JAKMIP2: variants seen among roughly 807,000 people sequenced by gnomAD.
JAKMIP2 encodes the protein janus kinase and microtubule interacting protein 2.
In JAKMIP2, 25 loss-of-function variants were observed where a neutral mutation model predicts 115.0. That is an observed-to-expected ratio of 0.22 (90% CI 0.16 to 0.30). The LOEUF is 0.30. Among genes scored for constraint, JAKMIP2 ranks in the 10% least tolerant of loss-of-function variants. The pLI, the probability that JAKMIP2 is intolerant of heterozygous loss-of-function variation, is 1.00. For missense variants in JAKMIP2, 642 were observed against 957.6 expected (o/e 0.67, Z 4.35); for synonymous variants, 334 against 343.6 (o/e 0.97, Z 0.31).
intron 1 of JAKMIP2, among the ~76,000 whole-genome samples, chr5:147,782,082 C>T (rs1464906596): frequency 6.6e-6 from 1 of 152,116 alleles, no homozygotes; most frequent in East Asian, 1.9e-4. Context: ...GAAGAAGGCC[C>T]AACCCTGTAT....
Position 147,714,206 on chromosome 5 carries a change from G to A in JAKMIP2, c.-148-42252C>T, listed in dbSNP as rs138947723. ...GCCATTACAAAGGTTCTGTAAAACA[G>A]CCATGCCTACTTCAGGGGATAAAAG... On this transcript the variant is annotated intron_variant, in intron 1 of 21. Transcript: ENST00000616793. Among the ~76,000 whole-genome samples the A allele has an allele frequency of 3.9e-3, 601 of 152,242 alleles. 2 individuals are homozygous for A. The highest frequency in any genetic ancestry group is 6.4e-3 in the Non-Finnish European group (438 of 68,020).
At chr5:147,678,251 C>G (rs1760079896) in intron 1 of JAKMIP2, among the ~76,000 whole-genome samples, 1 of 152,186 alleles carries the variant, frequency 6.6e-6, no homozygotes, top group Non-Finnish European at 1.5e-5. Flanking sequence ...AACTGCCCAC[C>G]TCAGCCTCCC....
rs1298670561 is a variant in JAKMIP2 at position 147,637,055 on chromosome 5, A to G, written c.1531-7T>C. The G allele has an allele frequency of 2.3e-6, 2 of 861,914 alleles. No homozygotes were observed. Among genetic ancestry groups the G allele is most frequent in the South Asian group, 2.6e-5 (2 of 76,306 alleles). The allele number at this position is 861,914 out of a possible 1,614,324, so 53.4% of individuals were successfully genotyped here. A position where few individuals can be genotyped will look rare whatever the true frequency, so the allele number is the denominator to read the frequency against. On this transcript the variant is annotated splice_region_variant and splice_polypyrimidine_tract_variant and intron_variant, in intron 10 of 21. Transcript: ENST00000616793. ...CTTGGAGCTGTTCTTGAGCCTGGTG[A>G]AACCAAAATTCCAGAACTCAGCAAG... is the stretch of plus-strand genomic sequence containing the variant.
chr5:147,727,419 G>C (rs1753561397), intron 1 of JAKMIP2, among the ~76,000 whole-genome samples: 1 of 152,244 alleles, frequency 6.6e-6, no homozygotes, highest in Non-Finnish European at 1.5e-5. Context: ...TCACAGTTTG[G>C]CATGGCTTCA....
chr5:147,631,613 C>A (rs1187194152), intron 13 of JAKMIP2, 102 bp from the exon 14 acceptor site: 4 of 633,762 alleles, frequency 6.3e-6, no homozygotes, highest in South Asian at 6.2e-5. Context: ...TTATTACTGT[C>A]ATTTGGCAAA....
intron 2 of JAKMIP2, 191 bp from the exon 3 acceptor site, chr5:147,661,636 TGAG>T: frequency 1.7e-6 from 1 of 584,748 alleles, no homozygotes; most frequent in Non-Finnish European, 3.0e-6. Context: ...AGGAAATACC[TGAG>T]GATATTTATA....
intron 3 of JAKMIP2, among the ~76,000 whole-genome samples, chr5:147,659,188 G>A (rs1302594886): frequency 1.3e-5 from 2 of 152,162 alleles, no homozygotes; most frequent in African/African-American, 2.4e-5. Context: ...GGCTCATGAG[G>A]GAATGTGCTG....
At chr5:147,675,890 A>T (rs1366168570) in intron 1 of JAKMIP2, among the ~76,000 whole-genome samples, 1 of 149,414 alleles carries the variant, frequency 6.7e-6, no homozygotes, top group Non-Finnish European at 1.5e-5. Flanking sequence ...TCTATTGCTG[A>T]ATAATATTCT....
At chr5:147,777,593 AT>A (rs992182255) in intron 1 of JAKMIP2, among the ~76,000 whole-genome samples, 1 of 152,140 alleles carries the variant, frequency 6.6e-6, no homozygotes, top group Non-Finnish European at 1.5e-5. Flanking sequence ...CTGTATTATC[AT>A]TTTTCCATAA....
At chr5:147,689,187 G>T (rs1203264898) in intron 1 of JAKMIP2, among the ~76,000 whole-genome samples, 1 of 152,168 alleles carries the variant, frequency 6.6e-6, no homozygotes, top group Non-Finnish European at 1.5e-5. Context: ...AGCCGGGGAG[G>T]CTGGAGGAAT....
chr5:147,642,445 A>C (rs552145020), intron 7 of JAKMIP2, among the ~76,000 whole-genome samples: 1 of 152,166 alleles, frequency 6.6e-6, no homozygotes, highest in Non-Finnish European at 1.5e-5. Context: ...TACTGTAAAA[A>C]TTTAAACTAG....
At chr5:147,609,339 T>C (rs1756190502) in intron 20 of JAKMIP2, among the ~76,000 whole-genome samples, 1 of 152,194 alleles carries the variant, frequency 6.6e-6, no homozygotes, top group South Asian at 2.1e-4. Context: ...TATTTAGTGC[T>C]TCCTTCAGGA....
intron 1 of JAKMIP2, among the ~76,000 whole-genome samples, chr5:147,762,119 T>C (rs921830604): frequency 2.0e-5 from 3 of 152,080 alleles, no homozygotes; most frequent in African/African-American, 4.8e-5. Context: ...ATTTGAGGGT[T>C]TGTTTGATGT....
chr5:147,722,033 C>G (rs887106214), intron 1 of JAKMIP2, among the ~76,000 whole-genome samples: 1 of 152,128 alleles, frequency 6.6e-6, no homozygotes, highest in African/African-American at 2.4e-5. Context: ...AGGTGTCCCT[C>G]CTATTTACTC....
intron 1 of JAKMIP2, among the ~76,000 whole-genome samples, chr5:147,675,783 A>ATTTTTTT (rs1245892919): frequency 4.1e-4 from 41 of 99,184 alleles, no homozygotes; most frequent in Non-Finnish European, 7.5e-4. Flanking sequence ...ATCATATGAC[A>ATTTTTTT]TTTTTTTTTT....
chr5:147,703,584 T>C (rs2126892920), intron 1 of JAKMIP2, among the ~76,000 whole-genome samples: 1 of 148,124 alleles, frequency 6.8e-6, no homozygotes, highest in Admixed American at 7.0e-5. Flanking sequence ...AACCTTAGCG[T>C]ACTGTAACTT....
chr5:147,733,221 C>T (rs1753798222), intron 1 of JAKMIP2, among the ~76,000 whole-genome samples: 1 of 152,064 alleles, frequency 6.6e-6, no homozygotes, highest in African/African-American at 2.4e-5. Flanking sequence ...TAATATAATT[C>T]ACTTTAGATG....
In JAKMIP2 at chr5:147,699,075, C is replaced by T. The variant is rs141606626; in HGVS notation, c.-148-27121G>A. Reference sequence around the variant, plus strand: ...TGCTCTTCTATCCCCCAGGCCTTTGCTCATGCTATGATCTAATCAATAAAA... The same window carrying T: ...TGCTCTTCTATCCCCCAGGCCTTTGTTCATGCTATGATCTAATCAATAAAA... On this transcript the variant is annotated intron_variant, in intron 1 of 21. Coordinates refer to ENST00000616793, the MANE Select transcript of JAKMIP2 (RefSeq NM_001270941.2). 2.0e-3 allele frequency among the ~76,000 whole-genome samples: 306 copies of T among 152,284 alleles called. 4 individuals carry two copies. The highest frequency in any genetic ancestry group is 2.9e-3 in the Non-Finnish European group (195 of 68,016).
chr5:147,717,626 C>T (rs1417548235), intron 1 of JAKMIP2, among the ~76,000 whole-genome samples: 1 of 150,206 alleles, frequency 6.7e-6, no homozygotes, highest in Non-Finnish European at 1.5e-5. Flanking sequence ...TGGGAGTTCA[C>T]TCATGATTTG....
Sources: allele counts gnomAD v4.1 joint callset (sites outside exome capture counted in the v4.1 genomes callset), GRCh38; gene constraint gnomAD v4.1.1; transcripts MANE v1.5; gene names NCBI Gene and HGNC (gene_info 2026-07-23, HGNC 2026-07-21).